The following ATRNL1 variants were observed in gnomAD, a reference collection of about 807,000 sequenced individuals.
The protein encoded by ATRNL1 is attractin like 1.
Under a neutral mutation model 182.7 loss-of-function variants are expected in ATRNL1, and 95 were observed. The observed-to-expected ratio is 0.52, with a 90% confidence interval of 0.44 to 0.62. The LOEUF is 0.62. ATRNL1 is among the 20% of genes least tolerant of loss of function. The probability of loss-of-function intolerance (pLI) is 0.00; values close to 1 mark genes in which losing one functional copy is unlikely to be tolerated. For synonymous variants in ATRNL1, 576 were observed against 568.3 expected, an observed-to-expected ratio of 1.01 and a Z score of -0.19; for missense variants, 1,471 against 1,679.5, an observed-to-expected ratio of 0.88 and a Z score of 2.17.
At position 115,874,376 on chromosome 10, in the gene ATRNL1, G is replaced by A. The variant is rs111372549; in HGVS notation, c.4018+26385G>A. Among the ~76,000 whole-genome samples, 796 of 152,224 alleles carry A rather than the reference G, an allele frequency of 5.2e-3. 7 individuals carry two copies. The highest frequency in any genetic ancestry group is 0.018 in the African/African-American group (747 of 41,550). On this transcript the variant is annotated intron_variant, in intron 28 of 28. Transcript: ENST00000355044. ...GATAGCATCACCTACTGGTAATCAG[G>A]TCCCTGCCTTGTCTTAGGTTGCCAT...
intron 1 of ATRNL1, among the ~76,000 whole-genome samples, chr10:115,119,691 A>G (rs1184895135): frequency 1.3e-5 from 2 of 152,134 alleles, no homozygotes; most frequent in Non-Finnish European, 2.9e-5. Flanking sequence ...AATAAAAAAT[A>G]TATTTATAGC....
chr10:115,370,983 C>T (rs937598202), intron 19 of ATRNL1, among the ~76,000 whole-genome samples: 2 of 152,152 alleles, frequency 1.3e-5, no homozygotes, highest in Non-Finnish European at 2.9e-5. Context: ...ATCCTAGCCG[C>T]TCCAGCCATG....
At chr10:115,363,217 A>AC (rs1554944872) in intron 19 of ATRNL1, among the ~76,000 whole-genome samples, 27 of 143,648 alleles carry the variant, frequency 1.9e-4, no homozygotes, top group South Asian at 4.5e-4. Flanking sequence ...GCCATTCTAA[A>AC]TGGTGTGAGA....
At chr10:115,859,022 A>G (rs1172841199) in intron 28 of ATRNL1, among the ~76,000 whole-genome samples, 1 of 152,038 alleles carries the variant, frequency 6.6e-6, no homozygotes, top group Non-Finnish European at 1.5e-5. Context: ...TGGTTTGCAG[A>G]TGATCACCTA....
intron 1 of ATRNL1, among the ~76,000 whole-genome samples, chr10:115,113,503 G>C (rs1554868822): frequency 1.3e-5 from 2 of 152,184 alleles, no homozygotes; most frequent in Admixed American, 6.5e-5. Context: ...GATCTGGTGG[G>C]AGATAATTGA....
intron 26 of ATRNL1, among the ~76,000 whole-genome samples, chr10:115,666,227 G>A (rs576265464): frequency 4.6e-5 from 7 of 152,216 alleles, no homozygotes; most frequent in East Asian, 1.9e-4. Flanking sequence ...TTTAAAGGTC[G>A]TCCAAGGTTT....
chr10:115,520,874 A>T (rs1301565534), intron 25 of ATRNL1, among the ~76,000 whole-genome samples: 1 of 152,216 alleles, frequency 6.6e-6, no homozygotes, highest in African/African-American at 2.4e-5. Flanking sequence ...AATCATGTTC[A>T]TCCATGCACC....
intron 27 of ATRNL1, among the ~76,000 whole-genome samples, chr10:115,826,642 G>T (rs782508718): frequency 6.6e-6 from 1 of 152,120 alleles, no homozygotes; most frequent in African/African-American, 2.4e-5. Flanking sequence ...ACCGGAGAGC[G>T]AGTAAGGCAG....
intron 21 of ATRNL1, among the ~76,000 whole-genome samples, chr10:115,436,093 G>T (rs1259833293): frequency 1.3e-5 from 2 of 152,066 alleles, no homozygotes; most frequent in East Asian, 3.8e-4. Context: ...GTTTATTACG[G>T]ACATAGGGTA....
At chr10:115,600,929 CTTTTT>C (rs58476140) in intron 26 of ATRNL1, among the ~76,000 whole-genome samples, 181 of 129,864 alleles carry the variant, frequency 1.4e-3, no homozygotes, top group Middle Eastern at 4.0e-3. Context: ...TTTTTATTTT[CTTTTT>C]TTTTTTTTTT....
intron 26 of ATRNL1, among the ~76,000 whole-genome samples, chr10:115,596,606 G>A (rs782628269): frequency 1.2e-4 from 18 of 152,108 alleles, no homozygotes; most frequent in Admixed American, 2.0e-4. Context: ...GGGAAAATGG[G>A]CAAATGTCAG....
chr10:115,681,387 A>G (rs911368958), intron 26 of ATRNL1, among the ~76,000 whole-genome samples: 26 of 152,100 alleles, frequency 1.7e-4, no homozygotes, highest in Admixed American at 7.2e-4. Flanking sequence ...ATTTCTCATA[A>G]TAATCCAGTG....
chr10:115,193,389 T>C (rs1554890290), intron 8 of ATRNL1, among the ~76,000 whole-genome samples: 1 of 152,030 alleles, frequency 6.6e-6, no homozygotes, highest in Non-Finnish European at 1.5e-5. Context: ...ATTTCATCAG[T>C]GCATCCATCT....
At chr10:115,922,521 A>G (rs1953096643) in intron 28 of ATRNL1, among the ~76,000 whole-genome samples, 1 of 152,150 alleles carries the variant, frequency 6.6e-6, no homozygotes, top group Non-Finnish European at 1.5e-5. Flanking sequence ...GATAGAGTGC[A>G]GTGGTGCAGT....
At chr10:115,704,476 T>C (rs184611415) in intron 26 of ATRNL1, among the ~76,000 whole-genome samples, 52 of 152,042 alleles carry the variant, frequency 3.4e-4, no homozygotes, top group Middle Eastern at 3.4e-3. Flanking sequence ...ATTACCTTTT[T>C]GGGGAGACAT....
intron 27 of ATRNL1, among the ~76,000 whole-genome samples, chr10:115,794,690 A>G (rs187271201): frequency 3.4e-3 from 514 of 152,260 alleles, no homozygotes; most frequent in African/African-American, 0.012. Context: ...TTTTCATTGC[A>G]TCCTATTGGG....
chr10:115,736,966 G>T (rs1302323232), intron 27 of ATRNL1, among the ~76,000 whole-genome samples: 1 of 151,774 alleles, frequency 6.6e-6, no homozygotes, highest in Non-Finnish European at 1.5e-5. Flanking sequence ...TTTTCTTACC[G>T]TGTGAGTTGC....
At chr10:115,103,516 T>C (rs1339165607) in intron 1 of ATRNL1, among the ~76,000 whole-genome samples, 1 of 152,188 alleles carries the variant, frequency 6.6e-6, no homozygotes, top group East Asian at 1.9e-4. Context: ...GGTTACGTTA[T>C]AGGTGTATAT....
chr10:115,588,235 C>G (rs1555010903), intron 26 of ATRNL1, among the ~76,000 whole-genome samples: 1 of 152,146 alleles, frequency 6.6e-6, no homozygotes, highest in Non-Finnish European at 1.5e-5. Context: ...CCCCAACTCT[C>G]ACCTCAGCTC....
Sources: allele counts gnomAD v4.1 joint callset (sites outside exome capture counted in the v4.1 genomes callset), GRCh38; gene constraint gnomAD v4.1.1; transcripts MANE v1.5; gene names NCBI Gene and HGNC (gene_info 2026-07-23, HGNC 2026-07-21).